The following SH3GL1 variants were observed in gnomAD, a reference collection of about 807,000 sequenced individuals.
SH3GL1 encodes SH3 domain containing GRB2 like 1, endophilin A2.
SH3GL1 carries 21 observed loss-of-function variants against 48.8 expected under a neutral mutation model. That is an observed-to-expected ratio of 0.43 (90% CI 0.30 to 0.62). The LOEUF is 0.62. Ranked by LOEUF, SH3GL1 falls within the 20% of genes least tolerant of loss-of-function variation. The probability of loss-of-function intolerance (pLI) is 0.11; values close to 1 mark genes in which losing one functional copy is unlikely to be tolerated. For synonymous variants in SH3GL1, 282 were observed against 217.5 expected, an observed-to-expected ratio of 1.30 and a Z score of -2.61; for missense variants, 454 against 503.0, an observed-to-expected ratio of 0.90 and a Z score of 0.93.
rs932343461 is a variant in SH3GL1, at chr19:4,376,768, C to A, written c.46-9774G>T. 1.3e-5 allele frequency among the ~76,000 whole-genome samples: 2 copies of A among 152,180 alleles called. No individual in the cohort carries two copies. Among genetic ancestry groups the A allele is most frequent in the African/African-American group, 2.4e-5 (1 of 41,434 alleles). ...AATGTCCCCATGGCTGCAAGGCTGCCCCACCCTCCTGCTATCCTCACGGGG... is the reference window on the plus strand; with the variant it reads ...AATGTCCCCATGGCTGCAAGGCTGCACCACCCTCCTGCTATCCTCACGGGG... On this transcript the variant is annotated intron_variant, in intron 1 of 9. Coordinates refer to ENST00000269886, the MANE Select transcript of SH3GL1 (RefSeq NM_003025.4). This position sits in a 1 kb window ranked among gnomAD's most constrained non-coding sequence, Gnocchi z 4.3.
chr19:4,364,332 C>A, intron 4 of SH3GL1, 111 bp from the exon 5 acceptor site: 1 of 1,389,600 alleles, frequency 7.2e-7, no homozygotes, highest in Admixed American at 1.7e-5. Flanking sequence ...AACGCAGTGG[C>A]GCTGTACCAG....
chr19:4,391,377 T>C (rs1180320084), intron 1 of SH3GL1, among the ~76,000 whole-genome samples: 3 of 152,192 alleles, frequency 2.0e-5, no homozygotes, highest in East Asian at 3.9e-4. Flanking sequence ...AATTAAGTAC[T>C]GCAGAGCTGG....
intron 3 of SH3GL1, among the ~76,000 whole-genome samples, chr19:4,366,050 G>A (rs1180959983): frequency 1.3e-5 from 2 of 152,180 alleles, no homozygotes; most frequent in African/African-American, 2.4e-5. Context: ...TGCTGGGTGT[G>A]CGTCTGCCCC....
intron 1 of SH3GL1, among the ~76,000 whole-genome samples, chr19:4,381,345 C>CCTCTGTCCCCCTGCCTGTCTCCCAT (rs1973124139): frequency 7.9e-6 from 1 of 126,334 alleles, no homozygotes; most frequent in African/African-American, 3.1e-5. Context: ...GTCCCCTCTG[C>CCTCTGTCCCCCTGCCTGTCTCCCAT]CTCTCTCTGT....
At chr19:4,399,127 C>G (rs1043858771) in intron 1 of SH3GL1, among the ~76,000 whole-genome samples, 1 of 152,044 alleles carries the variant, frequency 6.6e-6, no homozygotes, top group Non-Finnish European at 1.5e-5. Flanking sequence ...CGAGACCACC[C>G]TGGGGCACAT....
At chr19:4,385,611 C>A (rs1188793859) in intron 1 of SH3GL1, among the ~76,000 whole-genome samples, 1 of 152,196 alleles carries the variant, frequency 6.6e-6, no homozygotes, top group Non-Finnish European at 1.5e-5. Flanking sequence ...CACTATGGAA[C>A]CCTCAGCCAG....
At position 4,367,116 on chromosome 19, in the gene SH3GL1, C is replaced by T; in HGVS notation, c.46-122G>A. ...AGCTGGAGGCAGGAGGCCAAGTGAT[C>T]AGGACACACACCTCAGGCACTGCCG... On this transcript the variant is annotated intron_variant, in intron 1 of 9. Transcript: ENST00000269886. The surrounding 1 kb of genome is among the most constrained non-coding windows in gnomAD (Gnocchi z 4.2). The T allele has an allele frequency of 1.1e-6, 1 of 871,760 alleles. No homozygotes were observed. The highest frequency in any genetic ancestry group is 1.9e-6 in the Non-Finnish European group (1 of 514,906). The allele number at this position is 871,760 out of a possible 1,614,324, so 54.0% of individuals were successfully genotyped here.
At chr19:4,363,153 G>A (rs1355044024) in intron 7 of SH3GL1, among the ~76,000 whole-genome samples, 1 of 152,202 alleles carries the variant, frequency 6.6e-6, no homozygotes, top group Non-Finnish European at 1.5e-5. Flanking sequence ...AGTCCCCGGG[G>A]CCTGCATCGG....
At chr19:4,363,510 GC>G in intron 6 of SH3GL1, 37 bp from the exon 7 acceptor site, 1 of 1,573,554 alleles carries the variant, frequency 6.4e-7, no homozygotes, top group Non-Finnish European at 8.7e-7. Flanking sequence ...TCCTGCCAGT[GC>G]CACTGTCCTG....
At position 4,363,480 on chromosome 19, in the gene SH3GL1, G is replaced by C. The variant is rs111805435; in HGVS notation, c.625-7C>G. 6.2e-7 allele frequency: 1 copy of C among 1,609,222 alleles called. No individual in the cohort carries two copies. The highest frequency in any genetic ancestry group is 2.2e-5 in the East Asian group (1 of 44,694). ...GCTGACTCACCTGCTCGATCTGTGGGGACAGTAGGGCTCAGGGGCTCCTGC... is the reference window on the plus strand; with the variant it reads ...GCTGACTCACCTGCTCGATCTGTGGCGACAGTAGGGCTCAGGGGCTCCTGC... On this transcript the variant is annotated splice_region_variant and splice_polypyrimidine_tract_variant and intron_variant, in intron 6 of 9. Coordinates refer to ENST00000269886, the MANE Select transcript of SH3GL1 (RefSeq NM_003025.4).
At chr19:4,361,893 G>GCCCACC in intron 9 of SH3GL1, 97 bp from the exon 10 acceptor site, 1 of 888,020 alleles carries the variant, frequency 1.1e-6, no homozygotes, top group Non-Finnish European at 1.8e-6. Flanking sequence ...GTGTGGGTGG[G>GCCCACC]CATGGGCCTC....
Position 4,362,679 on chromosome 19 carries a change from G to A in SH3GL1, c.786C>T (p.Pro262=), listed in dbSNP as rs559647647. 2.5e-6 allele frequency: 4 copies of A among 1,614,010 alleles called. No homozygotes were observed. Among genetic ancestry groups the A allele is most frequent in the East Asian group, 2.2e-5 (1 of 44,880 alleles). The change falls in exon 8 of 10, where the codon CCC becomes CCT. Residue 262 remains proline, a synonymous_variant. Coordinates refer to ENST00000269886, the MANE Select transcript of SH3GL1 (RefSeq NM_003025.4). ...ACTGCTCAGGCTCTCCAAGGTCAAA[G>A]GGCTCCCGGGGCTTGGGCTTATACT... ...KREYKPKPRE[P]FDLGEPEQSN...
intron 1 of SH3GL1, among the ~76,000 whole-genome samples, chr19:4,369,006 A>T (rs1208411933): frequency 1.3e-5 from 2 of 152,112 alleles, no homozygotes; most frequent in Non-Finnish European, 2.9e-5. Context: ...CGGGAGGTGG[A>T]GCTTGCAGTC....
intron 1 of SH3GL1, among the ~76,000 whole-genome samples, chr19:4,394,307 G>A (rs1304820354): frequency 2.0e-5 from 3 of 152,022 alleles, no homozygotes; most frequent in Admixed American, 1.3e-4. Flanking sequence ...AGCAGCTCTC[G>A]CTAGCGGCAT....
intron 1 of SH3GL1, among the ~76,000 whole-genome samples, chr19:4,392,560 ACACACACAC>A (rs1973356934): frequency 7.0e-6 from 1 of 142,086 alleles, no homozygotes; most frequent in African/African-American, 2.8e-5. Flanking sequence ...ACACACACAC[ACACACACAC>A]AAAAGATCAT....
Position 4,363,704 on chromosome 19 carries a change from AC to A in SH3GL1, c.624+15del. 6.2e-7 allele frequency: 1 copy of A among 1,612,246 alleles called. No homozygotes were observed. The highest frequency in any genetic ancestry group is 8.5e-7 in the Non-Finnish European group (1 of 1,179,934). ...GGCATAGGTCTTCTCAGGATGTGACACCCCGAGCTACTCACGTCAGTCTCCA... is the reference window on the plus strand; with the variant it reads ...GGCATAGGTCTTCTCAGGATGTGACACCCGAGCTACTCACGTCAGTCTCCA... On this transcript the variant is annotated intron_variant, in intron 6 of 9. Coordinates refer to ENST00000269886, the MANE Select transcript of SH3GL1 (RefSeq NM_003025.4).
intron 1 of SH3GL1, among the ~76,000 whole-genome samples, chr19:4,395,333 G>C (rs187058827): frequency 4.6e-5 from 7 of 152,292 alleles, no homozygotes; most frequent in Admixed American, 3.9e-4. Context: ...TAAGTGGATA[G>C]TGGCATTTGA....
At chr19:4,370,627 C>G (rs1006393057) in intron 1 of SH3GL1, among the ~76,000 whole-genome samples, 25 of 152,360 alleles carry the variant, frequency 1.6e-4, no homozygotes, top group African/African-American at 6.0e-4. Flanking sequence ...AGAGCAACAC[C>G]AGCGCCTTCT....
chr19:4,366,387 C>T, intron 3 of SH3GL1, 114 bp downstream of exon 3: 4 of 796,246 alleles, frequency 5.0e-6, no homozygotes, highest in South Asian at 3.0e-5. Flanking sequence ...CGGGATCCAG[C>T]TGTGCCTGAA....
Sources: gnomAD v4.1 joint callset for allele counts (sites outside exome capture counted in the v4.1 genomes callset) on GRCh38, gnomAD v4.1.1 for gene constraint, Gnocchi (gnomAD v3.1) non-coding constraint, MANE v1.5 for transcripts, NCBI Gene and HGNC (gene_info 2026-07-23, HGNC 2026-07-21) for gene names.